The following GRID2 variants were observed in gnomAD, a reference collection of about 807,000 sequenced individuals.
GRID2 encodes the protein glutamate receptor ionotropic, delta-2.
GRID2 carries 33 observed loss-of-function variants against 114.8 expected under a neutral mutation model. That is an observed-to-expected ratio of 0.29 (90% CI 0.22 to 0.38). The LOEUF (loss-of-function observed/expected upper bound fraction) is 0.38, where lower values mean the gene tolerates loss of function less well. GRID2 is among the 10% of genes least tolerant of loss of function. GRID2 has a pLI of 1.00. For synonymous variants in GRID2, 505 were observed against 449.9 expected (o/e 1.12, Z -1.55); for missense variants, 1,184 against 1,257.7 (o/e 0.94, Z 0.89).
intron 12 of GRID2, among the ~76,000 whole-genome samples, chr4:93,504,979 T>A (rs1372360367): frequency 6.6e-6 from 1 of 152,072 alleles, no homozygotes; most frequent in Non-Finnish European, 1.5e-5. Context: ...GTATTGTCCA[T>A]TTTCATTGAG....
At chr4:92,935,366 A>G (rs1485277973) in intron 2 of GRID2, among the ~76,000 whole-genome samples, 1 of 147,016 alleles carries the variant, frequency 6.8e-6, no homozygotes, top group African/African-American at 2.4e-5. Flanking sequence ...AATGGCAATC[A>G]TTAAAATGTC....
At chr4:92,914,826 G>A (rs1365942384) in intron 2 of GRID2, among the ~76,000 whole-genome samples, 2 of 152,050 alleles carry the variant, frequency 1.3e-5, no homozygotes, top group Non-Finnish European at 2.9e-5. Context: ...TATCATTGAT[G>A]GGTGTTTGTG....
intron 7 of GRID2, among the ~76,000 whole-genome samples, chr4:93,226,364 C>T (rs1745483720): frequency 6.6e-6 from 1 of 152,148 alleles, no homozygotes; most frequent in South Asian, 2.1e-4. Context: ...GTGGGACAGT[C>T]ATAGGATAGA....
intron 8 of GRID2, among the ~76,000 whole-genome samples, chr4:93,324,980 A>G (rs1757669491): frequency 1.3e-5 from 2 of 152,070 alleles, no homozygotes. Flanking sequence ...ATCTTTTCAA[A>G]AAACCAGCTT....
intron 1 of GRID2, among the ~76,000 whole-genome samples, chr4:92,352,600 C>T (rs1489256693): frequency 6.6e-6 from 1 of 151,916 alleles, no homozygotes; most frequent in Non-Finnish European, 1.5e-5. Flanking sequence ...TTTCATTATA[C>T]TAATCCACTT....
chr4:93,492,192 TA>T (rs1236071364), intron 12 of GRID2, among the ~76,000 whole-genome samples: 2 of 151,798 alleles, frequency 1.3e-5, no homozygotes, highest in Admixed American at 1.3e-4. Flanking sequence ...ATGAAATGAG[TA>T]AAATTATGAA....
chr4:93,720,025 A>G (rs1560941157), intron 14 of GRID2, among the ~76,000 whole-genome samples: 2 of 152,210 alleles, frequency 1.3e-5, no homozygotes, highest in African/African-American at 4.8e-5. Context: ...CTGTTTCATC[A>G]TAGAATCCTT....
chr4:93,042,269 C>CTT (rs1560821231), intron 2 of GRID2, among the ~76,000 whole-genome samples: 1 of 81,484 alleles, frequency 1.2e-5, no homozygotes, highest in African/African-American at 5.2e-5. Flanking sequence ...CTCTCTCTCT[C>CTT]TCTCTTTCTC....
At chr4:93,029,126 T>C (rs1325610971) in intron 2 of GRID2, among the ~76,000 whole-genome samples, 1 of 152,100 alleles carries the variant, frequency 6.6e-6, no homozygotes, top group Non-Finnish European at 1.5e-5. Context: ...AAATGAGGCA[T>C]AGAGCAAATA....
intron 1 of GRID2, among the ~76,000 whole-genome samples, chr4:92,360,459 G>T (rs911630665): frequency 2.6e-5 from 4 of 151,822 alleles, no homozygotes; most frequent in African/African-American, 9.7e-5. Flanking sequence ...CCATTACTGA[G>T]TGCCATATGC....
chr4:93,205,480 C>T (rs1742623700), intron 4 of GRID2, among the ~76,000 whole-genome samples: 1 of 152,106 alleles, frequency 6.6e-6, no homozygotes, highest in Non-Finnish European at 1.5e-5. Flanking sequence ...CTACAAAGGA[C>T]ATGAACTCTT....
intron 1 of GRID2, among the ~76,000 whole-genome samples, chr4:92,496,693 T>C (rs1723404698): frequency 6.6e-6 from 1 of 151,068 alleles, no homozygotes; most frequent in Non-Finnish European, 1.5e-5. Flanking sequence ...GATAATAATA[T>C]AATTTGACAT....
At chr4:93,289,731 A>G (rs917173643) in intron 8 of GRID2, among the ~76,000 whole-genome samples, 2 of 152,080 alleles carry the variant, frequency 1.3e-5, no homozygotes, top group South Asian at 2.1e-4. Flanking sequence ...GCTAAGGCCT[A>G]TTTTCTTCTG....
At chr4:93,505,024 TG>T (rs1728495585) in intron 12 of GRID2, among the ~76,000 whole-genome samples, 1 of 152,086 alleles carries the variant, frequency 6.6e-6, no homozygotes, top group African/African-American at 2.4e-5. Context: ...CAGGAGATTT[TG>T]GGGCTATGTA....
chr4:92,689,821 T>C (rs1383215187), intron 2 of GRID2, among the ~76,000 whole-genome samples: 1 of 152,192 alleles, frequency 6.6e-6, no homozygotes, highest in Non-Finnish European at 1.5e-5. Flanking sequence ...ATAGCTTCTT[T>C]GGCTAAACTT....
At chr4:92,380,578 G>A (rs564296849) in intron 1 of GRID2, among the ~76,000 whole-genome samples, 8 of 151,782 alleles carry the variant, frequency 5.3e-5, no homozygotes, top group Non-Finnish European at 7.4e-5. Flanking sequence ...ATATATATTC[G>A]TTAGCTGCCT....
intron 1 of GRID2, among the ~76,000 whole-genome samples, chr4:93,804,642 C>T (rs902293957): frequency 6.6e-6 from 1 of 152,186 alleles, no homozygotes; most frequent in Non-Finnish European, 1.5e-5. Flanking sequence ...CTGTAACATT[C>T]TGTTCTTGGG....
At chr4:93,038,207 T>C (rs576564022) in intron 2 of GRID2, among the ~76,000 whole-genome samples, 2 of 152,284 alleles carry the variant, frequency 1.3e-5, no homozygotes, top group East Asian at 1.9e-4. Flanking sequence ...AGTATTTTAT[T>C]CTCTTTGTAG....
At chr4:92,835,437 GTCTA>G (rs1370543470) in intron 2 of GRID2, among the ~76,000 whole-genome samples, 2 of 152,102 alleles carry the variant, frequency 1.3e-5, no homozygotes, top group Non-Finnish European at 2.9e-5. Context: ...TATATTATCT[GTCTA>G]TCTAGTACAG....
Sources: gnomAD v4.1 joint callset for allele counts (sites outside exome capture counted in the v4.1 genomes callset) on GRCh38, gnomAD v4.1.1 for gene constraint, MANE v1.5 for transcripts, NCBI Gene and HGNC (gene_info 2026-07-23, HGNC 2026-07-21) for gene names.